The following SYT1 variants were observed in gnomAD, a reference collection of about 807,000 sequenced individuals.
SYT1 encodes synaptotagmin-1.
Under a neutral mutation model 44.8 loss-of-function variants are expected in SYT1, and 8 were observed. That is an observed-to-expected ratio of 0.18 (90% CI 0.10 to 0.32). The LOEUF is 0.32. SYT1 is among the 10% of genes least tolerant of loss of function. The probability of loss-of-function intolerance (pLI) is 1.00; values close to 1 mark genes in which losing one functional copy is unlikely to be tolerated. For synonymous variants in SYT1, 154 were observed against 188.8 expected (o/e 0.82, Z 1.51); for missense variants, 286 against 509.3 (o/e 0.56, Z 4.22).
chr12:79,025,553 A>T (rs559820141), intron 2 of SYT1, among the ~76,000 whole-genome samples: 1 of 151,802 alleles, frequency 6.6e-6, no homozygotes, highest in East Asian at 1.9e-4. Context: ...TCTGGCTATT[A>T]TACGTTGTAG....
intron 8 of SYT1, among the ~76,000 whole-genome samples, chr12:79,318,250 G>A (rs976378087): frequency 6.6e-6 from 1 of 152,076 alleles, no homozygotes; most frequent in Non-Finnish European, 1.5e-5. Context: ...GCCTCCGGAG[G>A]GCCTGTTTAA....
intron 9 of SYT1, among the ~76,000 whole-genome samples, chr12:79,418,209 A>G (rs1868877065): frequency 6.6e-6 from 1 of 152,124 alleles, no homozygotes; most frequent in Non-Finnish European, 1.5e-5. Flanking sequence ...CAGCGCTAAC[A>G]TTTGGTCCAG....
intron 2 of SYT1, among the ~76,000 whole-genome samples, chr12:79,012,663 T>G (rs1871491151): frequency 6.6e-6 from 1 of 152,132 alleles, no homozygotes; most frequent in African/African-American, 2.4e-5. Context: ...AAATTTATTA[T>G]AATATTTCCT....
chr12:79,330,791 T>C (rs1390283029), intron 8 of SYT1, among the ~76,000 whole-genome samples: 4 of 152,156 alleles, frequency 2.6e-5, no homozygotes, highest in African/African-American at 9.7e-5. Context: ...ATCATTTGGA[T>C]TTTCCTGATG....
intron 2 of SYT1, among the ~76,000 whole-genome samples, chr12:78,993,693 G>T (rs1036014917): frequency 6.6e-6 from 1 of 152,174 alleles, no homozygotes; most frequent in African/African-American, 2.4e-5. Flanking sequence ...ATATGAAATT[G>T]CTGATACTTT....
At chr12:79,279,781 G>A (rs539796946) in intron 4 of SYT1, among the ~76,000 whole-genome samples, 1 of 151,774 alleles carries the variant, frequency 6.6e-6, no homozygotes, top group Admixed American at 6.6e-5. Context: ...TTTGATAAAT[G>A]AATTTAATGA....
chr12:79,229,277 C>CA (rs1689308142), intron 4 of SYT1, among the ~76,000 whole-genome samples: 1 of 152,120 alleles, frequency 6.6e-6, no homozygotes, highest in Non-Finnish European at 1.5e-5. Flanking sequence ...TATCAAATTA[C>CA]AAAAATTAAC....
rs186281247 is a variant in SYT1, at chr12:78,937,020, G to A, written c.-216-40779G>A. Among the ~76,000 whole-genome samples the A allele has an allele frequency of 2.2e-4, 33 of 151,776 alleles. No homozygotes were observed. In the East Asian group the frequency reaches 5.0e-3, roughly 23 times the overall value. On this transcript the variant is annotated intron_variant, in intron 1 of 10. Coordinates refer to ENST00000261205, the MANE Select transcript of SYT1 (RefSeq NM_005639.3). The stretch of plus-strand genomic sequence containing the variant: ...CAGGTCCTTGAGAAAGACATTTCTG[G>A]TTATAAAACTGACAAGAAGCTTTTT...
chr12:78,968,259 G>A (rs776670281), intron 1 of SYT1, among the ~76,000 whole-genome samples: 10 of 152,084 alleles, frequency 6.6e-5, no homozygotes, highest in East Asian at 1.9e-4. Flanking sequence ...CCAAAATCAC[G>A]GATTAGGAGT....
At position 79,398,706 on chromosome 12, in the gene SYT1, G is replaced by C. The variant is rs891809671; in HGVS notation, c.928+45087G>C. On this transcript the variant is annotated intron_variant, in intron 9 of 10. Transcript: ENST00000261205. ...ACAGTAGACATGTATCAAAACATTT[G>C]CAAATAGGATTTATTGATGAGGAAA... is the stretch of plus-strand genomic sequence containing the variant. Among the ~76,000 whole-genome samples, 10 of 152,072 alleles carry C rather than the reference G, an allele frequency of 6.6e-5. 1 individual carries two copies. Among genetic ancestry groups the C allele is most frequent in the Non-Finnish European group, 1.5e-4 (10 of 67,998 alleles).
At chr12:79,216,312 C>G (rs572882143) in intron 3 of SYT1, among the ~76,000 whole-genome samples, 2 of 152,244 alleles carry the variant, frequency 1.3e-5, no homozygotes, top group Admixed American at 1.3e-4. Flanking sequence ...AGTTCGTCTA[C>G]TTTCCTGTTA....
At chr12:79,079,583 G>A (rs926772229) in intron 3 of SYT1, among the ~76,000 whole-genome samples, 2 of 151,946 alleles carry the variant, frequency 1.3e-5, no homozygotes, top group Non-Finnish European at 2.9e-5. Context: ...ATGTATCAAA[G>A]TATGATAGTA....
rs1491364410 is a variant in SYT1, at chr12:79,293,406, A to AAAATAAAATAAAATAAAATTAAATT, written c.474+1280_474+1281insAAAATAAAATAAAATTAAATTAAAT. Among the ~76,000 whole-genome samples, 8 of 63,776 alleles carry AAAATAAAATAAAATAAAATTAAATT rather than the reference A, an allele frequency of 1.3e-4. No homozygotes were observed. The East Asian group carries it at 5.0e-3, about 40-fold the overall frequency. The allele number at this position is 63,776 out of a possible 152,430, so 41.8% of individuals were successfully genotyped here. ...AAAATAAAATAAAATAAAATAAAAT[A>AAAATAAAATAAAATAAAATTAAATT]AAATTAAAAAATCTGTAAGACATAG... On this transcript the variant is annotated intron_variant, in intron 6 of 10. Coordinates refer to ENST00000261205, the MANE Select transcript of SYT1 (RefSeq NM_005639.3).
chr12:79,303,499 A>G (rs1404553356), intron 8 of SYT1, among the ~76,000 whole-genome samples: 3 of 152,040 alleles, frequency 2.0e-5, no homozygotes, highest in Non-Finnish European at 1.5e-5. Context: ...GAATAAGTCT[A>G]TCACCTCGGC....
chr12:79,187,476 C>T (rs1468032696), intron 3 of SYT1, among the ~76,000 whole-genome samples: 1 of 152,062 alleles, frequency 6.6e-6, no homozygotes, highest in Non-Finnish European at 1.5e-5. Context: ...CTGACAAGCA[C>T]CTGGGATTTA....
At chr12:78,952,805 A>G (rs1390264356) in intron 1 of SYT1, among the ~76,000 whole-genome samples, 1 of 152,144 alleles carries the variant, frequency 6.6e-6, no homozygotes, top group African/African-American at 2.4e-5. Context: ...TCATGAAAAC[A>G]GACCAACTTT....
intron 8 of SYT1, among the ~76,000 whole-genome samples, chr12:79,326,669 T>G (rs1407303790): frequency 6.6e-6 from 1 of 152,232 alleles, no homozygotes; most frequent in East Asian, 1.9e-4. Context: ...CACAGATTTT[T>G]TTTCTCTGCC....
intron 1 of SYT1, among the ~76,000 whole-genome samples, chr12:78,931,018 C>T (rs982380293): frequency 6.6e-6 from 1 of 150,916 alleles, no homozygotes; most frequent in Non-Finnish European, 1.5e-5. Context: ...ATATTCAAGT[C>T]AGGCGCTGTG....
intron 3 of SYT1, among the ~76,000 whole-genome samples, chr12:79,060,018 A>G (rs1875258001): frequency 6.6e-6 from 1 of 152,130 alleles, no homozygotes. Flanking sequence ...ATGGGCTTAC[A>G]CTGAAATAAT....
Sources: gnomAD v4.1 joint callset for allele counts (sites outside exome capture counted in the v4.1 genomes callset) on GRCh38, gnomAD v4.1.1 for gene constraint, MANE v1.5 for transcripts, NCBI Gene and HGNC (gene_info 2026-07-23, HGNC 2026-07-21) for gene names.